Variants in GABRB3 observed in about 807,000 individuals in gnomAD.
GABRB3 encodes the protein gamma-aminobutyric acid receptor subunit beta-3.
Under a neutral mutation model 52.1 loss-of-function variants are expected in GABRB3, and 14 were observed. That is an observed-to-expected ratio of 0.27 (90% CI 0.18 to 0.42). The LOEUF (loss-of-function observed/expected upper bound fraction) is 0.42. GABRB3 is among the 10% of genes least tolerant of loss of function. GABRB3 has a pLI of 1.00. For missense variants in GABRB3, 307 were observed against 609.1 expected, an observed-to-expected ratio of 0.50 and a Z score of 5.22; for synonymous variants, 260 against 232.3, an observed-to-expected ratio of 1.12 and a Z score of -1.08.
chr15:26,746,099 C>T (rs920755542), intron 3 of GABRB3, among the ~76,000 whole-genome samples: 9 of 152,158 alleles, frequency 5.9e-5, no homozygotes, highest in East Asian at 1.9e-4. Context: ...AGCTTCTCTA[C>T]GTTCTACCCA....
chr15:26,765,899 G>A (rs902988091), intron 3 of GABRB3, among the ~76,000 whole-genome samples: 1 of 152,186 alleles, frequency 6.6e-6, no homozygotes, highest in Non-Finnish European at 1.5e-5. Context: ...GTAGCTTGAT[G>A]AGGTAGAAAG....
intron 3 of GABRB3, among the ~76,000 whole-genome samples, chr15:26,655,455 G>T (rs757901519): frequency 1.3e-5 from 2 of 152,048 alleles, no homozygotes; most frequent in Non-Finnish European, 2.9e-5. Flanking sequence ...AAAAACCCTC[G>T]GTTTAGGCCA....
Position 26,567,573 on chromosome 15 carries a change from G to A in GABRB3, c.835+8C>T, listed in dbSNP as rs75812437. On this transcript the variant is annotated splice_region_variant and intron_variant, in intron 7 of 8. Transcript: ENST00000311550. ...TACATTTAAATATCACTTAAAAATA[G>A]CACATACCGAGGGCAACTCTAGCAG... 4.4e-5 allele frequency: 71 copies of A among 1,612,682 alleles called. No homozygotes were observed. In the African/African-American group the frequency reaches 8.8e-4, roughly 20 times the overall value.
chr15:26,772,956 C>T lies in GABRB3; in HGVS notation c.7G>A (p.Gly3Ser), dbSNP rs1891196762. The change falls in exon 1 of 9, where the codon GGC becomes AGC. Residue 3 changes from glycine (G) to serine (S), a missense_variant. This residue lies in a region of GABRB3 where 90 missense variants were observed against 86.4 expected (regional missense o/e 1.04). Coordinates refer to ENST00000311550, the MANE Select transcript of GABRB3 (RefSeq NM_000814.6). ...CCGAAAAGCCTTCCTCCCGCAAGGC[C>T]CCACATCCCTCCGCCGCGCCCCGGC... MW[G>S]LAGGRLFGIF... 4 of 1,445,246 alleles carry T rather than the reference C, an allele frequency of 2.8e-6. No homozygotes were observed. Among genetic ancestry groups the T allele is most frequent in the East Asian group, 3.2e-5 (1 of 31,548 alleles). 89.5% of individuals were successfully genotyped at this position (1,445,246 alleles called of 1,614,324 possible).
chr15:26,569,860 T>A (rs1014676805), intron 6 of GABRB3, among the ~76,000 whole-genome samples: 3 of 152,244 alleles, frequency 2.0e-5, no homozygotes, highest in Admixed American at 6.5e-5. Flanking sequence ...ATTACTTTTT[T>A]AAAAATTGAA....
At chr15:26,712,697 G>A (rs965420439) in intron 3 of GABRB3, among the ~76,000 whole-genome samples, 1 of 152,158 alleles carries the variant, frequency 6.6e-6, no homozygotes, top group Non-Finnish European at 1.5e-5. Context: ...GCAGTGTGTG[G>A]AAGGCACTGG....
chr15:26,579,388 A>G (rs1375699551), intron 6 of GABRB3, among the ~76,000 whole-genome samples: 1 of 152,146 alleles, frequency 6.6e-6, no homozygotes, highest in African/African-American at 2.4e-5. Flanking sequence ...GGCTTCCCAG[A>G]GGAAGTAGCG....
At chr15:26,558,563 C>T (rs1273901616) in intron 8 of GABRB3, among the ~76,000 whole-genome samples, 1 of 152,094 alleles carries the variant, frequency 6.6e-6, no homozygotes, top group African/African-American at 2.4e-5. Flanking sequence ...GGAGGTGGGG[C>T]CTGGTGGGAG....
chr15:26,582,612 AAT>A (rs747915226), intron 5 of GABRB3, among the ~76,000 whole-genome samples: 22 of 152,328 alleles, frequency 1.4e-4, no homozygotes, highest in Middle Eastern at 3.4e-3. Context: ...GCAGTTTCTC[AAT>A]ATGTTCATTC....
chr15:26,661,645 T>C (rs949656692), intron 3 of GABRB3, among the ~76,000 whole-genome samples: 5 of 151,754 alleles, frequency 3.3e-5, no homozygotes, highest in Non-Finnish European at 7.4e-5. Context: ...GGGTTTCAGG[T>C]ATGGTGAGGG....
At chr15:26,692,571 T>C (rs1464945197) in intron 3 of GABRB3, among the ~76,000 whole-genome samples, 2 of 152,210 alleles carry the variant, frequency 1.3e-5, no homozygotes, top group African/African-American at 2.4e-5. Context: ...GAGATGGCAT[T>C]AAATTGTGAT....
chr15:26,592,416 G>T (rs1438896024), intron 4 of GABRB3, among the ~76,000 whole-genome samples: 1 of 152,232 alleles, frequency 6.6e-6, no homozygotes, highest in Admixed American at 6.5e-5. Flanking sequence ...CTGAATAGAA[G>T]AAGAGATGTT....
chr15:26,643,084 A>G (rs1351215524), intron 3 of GABRB3, among the ~76,000 whole-genome samples: 1 of 152,104 alleles, frequency 6.6e-6, no homozygotes, highest in Non-Finnish European at 1.5e-5. Context: ...TGTCTCCTCC[A>G]TTCTGCACTC....
chr15:26,770,128 C>A (rs11636254), intron 3 of GABRB3, among the ~76,000 whole-genome samples: 2,364 of 152,242 alleles, frequency 0.016, 32 homozygotes, highest in Non-Finnish European at 0.025. Context: ...TTATCATGCA[C>A]AAATATTTTA....
chr15:26,561,237 C>T (rs1441314686), intron 7 of GABRB3, 61 bp from the exon 8 acceptor site: 4 of 1,606,238 alleles, frequency 2.5e-6, no homozygotes, highest in African/African-American at 1.3e-5. Context: ...TCACTTTTCA[C>T]TTTCCTTTTA....
chr15:26,641,529 C>G (rs1489160004), intron 3 of GABRB3, among the ~76,000 whole-genome samples: 1 of 152,256 alleles, frequency 6.6e-6, no homozygotes, highest in Non-Finnish European at 1.5e-5. Context: ...AATACAAACT[C>G]TTGGTTAGAA....
intron 7 of GABRB3, among the ~76,000 whole-genome samples, chr15:26,561,479 G>T (rs966949580): frequency 8.8e-5 from 12 of 135,960 alleles, no homozygotes; most frequent in African/African-American, 1.1e-4. Flanking sequence ...GAGAGTAGAA[G>T]AAGAGATATG....
At chr15:26,609,005 C>T (rs1349001499) in intron 4 of GABRB3, among the ~76,000 whole-genome samples, 1 of 151,898 alleles carries the variant, frequency 6.6e-6, no homozygotes, top group Non-Finnish European at 1.5e-5. Context: ...CCCAAGTTCA[C>T]TGAAGCACTA....
At chr15:26,716,364 C>T (rs1411610048) in intron 3 of GABRB3, among the ~76,000 whole-genome samples, 2 of 152,194 alleles carry the variant, frequency 1.3e-5, no homozygotes, top group South Asian at 4.1e-4. Context: ...TAGAGAACCA[C>T]AGGCTCCTAA....
Sources: gnomAD v4.1 joint callset for allele counts (sites outside exome capture counted in the v4.1 genomes callset) on GRCh38, gnomAD v4.1.1 for gene constraint, gnomAD v4.1.1 regional missense constraint, MANE v1.5 for transcripts, NCBI Gene and HGNC (gene_info 2026-07-23, HGNC 2026-07-21) for gene names.